DOK6: variants seen among roughly 807,000 people sequenced by gnomAD.
DOK6 encodes the protein docking protein 6.
DOK6 carries 22 observed loss-of-function variants against 44.0 expected under a neutral mutation model. The observed-to-expected ratio is 0.50, with a 90% CI of 0.36 to 0.71. The LOEUF (loss-of-function observed/expected upper bound fraction) is 0.71, where lower values mean the gene tolerates loss of function less well. Among genes scored for constraint, DOK6 ranks in the 30% least tolerant of loss-of-function variants. The probability of loss-of-function intolerance (pLI) is 0.00; values close to 1 mark genes in which losing one functional copy is unlikely to be tolerated. For missense variants in DOK6, 340 were observed against 416.4 expected, an observed-to-expected ratio of 0.82 and a Z score of 1.60; for synonymous variants, 166 against 145.5, an observed-to-expected ratio of 1.14 and a Z score of -1.01.
intron 5 of DOK6, among the ~76,000 whole-genome samples, chr18:69,723,717 G>T (rs1217575232): frequency 6.6e-6 from 1 of 152,166 alleles, no homozygotes; most frequent in Non-Finnish European, 1.5e-5. Flanking sequence ...TTATTTCACA[G>T]TGCCTGACGA....
At chr18:69,542,543 A>G (rs1017512) in intron 1 of DOK6, among the ~76,000 whole-genome samples, 16,154 of 151,572 alleles carry the variant, frequency 0.11, 2,912 homozygotes, top group African/African-American at 0.36. Flanking sequence ...CTCCAAGTCC[A>G]GTTACGTAGC....
intron 7 of DOK6, among the ~76,000 whole-genome samples, chr18:69,798,255 A>C (rs1160942266): frequency 6.6e-6 from 1 of 152,136 alleles, no homozygotes; most frequent in Non-Finnish European, 1.5e-5. Context: ...GATTACCATA[A>C]AGGTCAAGAC....
intron 3 of DOK6, among the ~76,000 whole-genome samples, chr18:69,625,527 T>C (rs755699253): frequency 3.9e-5 from 6 of 152,222 alleles, no homozygotes; most frequent in Non-Finnish European, 8.8e-5. Flanking sequence ...TAAATATTTG[T>C]CTTTGCTCTG....
intron 1 of DOK6, among the ~76,000 whole-genome samples, chr18:69,445,031 A>C (rs911053871): frequency 1.1e-4 from 17 of 152,160 alleles, no homozygotes; most frequent in Admixed American, 3.9e-4. Context: ...TTTTACTTTC[A>C]GTATACAAGT....
At chr18:69,533,295 A>G (rs35043073) in intron 1 of DOK6, among the ~76,000 whole-genome samples, 30,368 of 152,046 alleles carry the variant, frequency 0.2, 4,417 homozygotes, top group African/African-American at 0.4. Flanking sequence ...ATTAGTTCTG[A>G]CAATTTTTCT....
intron 1 of DOK6, among the ~76,000 whole-genome samples, chr18:69,433,261 ACT>A (rs1978856720): frequency 6.6e-6 from 1 of 152,106 alleles, no homozygotes; most frequent in Non-Finnish European, 1.5e-5. Context: ...ATAGTAAAAC[ACT>A]CTTAGAAAGC....
intron 7 of DOK6, among the ~76,000 whole-genome samples, chr18:69,835,126 G>A (rs1372331949): frequency 6.6e-6 from 1 of 152,140 alleles, no homozygotes; most frequent in Non-Finnish European, 1.5e-5. Flanking sequence ...TACAATTCAA[G>A]AGGAGATTTG....
chr18:69,614,060 T>C (rs1017252281), intron 3 of DOK6, among the ~76,000 whole-genome samples: 9 of 152,034 alleles, frequency 5.9e-5, no homozygotes, highest in East Asian at 1.9e-4. Context: ...GCTTATCACA[T>C]TGCAGTTTAT....
chr18:69,592,134 A>G (rs1983636089), intron 2 of DOK6, among the ~76,000 whole-genome samples: 1 of 151,980 alleles, frequency 6.6e-6, no homozygotes, highest in African/African-American at 2.4e-5. Context: ...AGAATGTATA[A>G]GTTCTAATAT....
At chr18:69,795,880 C>T (rs1980729584) in intron 7 of DOK6, among the ~76,000 whole-genome samples, 1 of 152,178 alleles carries the variant, frequency 6.6e-6, no homozygotes, top group African/African-American at 2.4e-5. Flanking sequence ...GTTTATTTTT[C>T]CTCTGAGTAA....
At chr18:69,740,037 T>G (rs930398281) in intron 6 of DOK6, among the ~76,000 whole-genome samples, 18 of 152,216 alleles carry the variant, frequency 1.2e-4, no homozygotes, top group Non-Finnish European at 2.6e-4. Flanking sequence ...CTTAATGCAC[T>G]TTTAACTTTC....
At chr18:69,647,457 G>A (rs532768329) in intron 3 of DOK6, 9 of 152,102 alleles carry the variant, frequency 5.9e-5, no homozygotes, top group South Asian at 2.1e-4. Flanking sequence ...TTGAAAGCAC[G>A]TCACTTCCAG....
intron 3 of DOK6, among the ~76,000 whole-genome samples, chr18:69,616,679 A>G (rs1247806198): frequency 1.3e-5 from 2 of 152,202 alleles, no homozygotes; most frequent in Admixed American, 6.5e-5. Context: ...ATTTTTGTAC[A>G]TTAAGAAAAT....
At chr18:69,656,702 G>A (rs1199624882) in intron 3 of DOK6, among the ~76,000 whole-genome samples, 1 of 152,178 alleles carries the variant, frequency 6.6e-6, no homozygotes, top group Non-Finnish European at 1.5e-5. Flanking sequence ...CACTGATATG[G>A]TAAAAAAGAG....
At chr18:69,577,416 A>G (rs1983264158) in intron 2 of DOK6, among the ~76,000 whole-genome samples, 1 of 152,152 alleles carries the variant, frequency 6.6e-6, no homozygotes, top group Non-Finnish European at 1.5e-5. Flanking sequence ...TGTCTTATCT[A>G]TTCATTAATG....
chr18:69,422,714 C>G (rs979461549), intron 1 of DOK6, among the ~76,000 whole-genome samples: 1 of 152,084 alleles, frequency 6.6e-6, no homozygotes, highest in African/African-American at 2.4e-5. Context: ...TCTAATGGTT[C>G]TTTTTACTGC....
intron 1 of DOK6, among the ~76,000 whole-genome samples, chr18:69,500,993 G>T (rs907264475): frequency 1.3e-5 from 2 of 152,054 alleles, no homozygotes; most frequent in Non-Finnish European, 2.9e-5. Context: ...TGTTAATGTT[G>T]CATTCCCTTC....
chr18:69,597,426 TA>T (rs1485171816), intron 2 of DOK6, among the ~76,000 whole-genome samples: 4 of 152,214 alleles, frequency 2.6e-5, no homozygotes. Context: ...TGTTGCTCTT[TA>T]AAGATATCTG....
rs908004901 is a variant in DOK6 at position 69,461,337 on chromosome 18, T to A, written c.66+60027T>A. 5.9e-5 allele frequency among the ~76,000 whole-genome samples: 9 copies of A among 152,330 alleles called. 1 individual carries two copies. The highest frequency in any genetic ancestry group is 6.8e-3 in the Middle Eastern group (2 of 294). ...ATTTTCAAGCCTCTTCTATTTCCTTTAGTTTCTGACCTGCCATATTCCTCA... is the reference window on the plus strand; with the variant it reads ...ATTTTCAAGCCTCTTCTATTTCCTTAAGTTTCTGACCTGCCATATTCCTCA... On this transcript the variant is annotated intron_variant, in intron 1 of 7. Transcript: ENST00000382713.
Sources: gnomAD v4.1 joint callset for allele counts (sites outside exome capture counted in the v4.1 genomes callset) on GRCh38, gnomAD v4.1.1 for gene constraint, MANE v1.5 for transcripts, NCBI Gene and HGNC (gene_info 2026-07-23, HGNC 2026-07-21) for gene names.